Variants in GLMN observed in about 807,000 individuals in gnomAD.
GLMN encodes the protein glomulin.
Under a neutral mutation model 87.8 loss-of-function variants are expected in GLMN, and 75 were observed. That is an observed-to-expected ratio of 0.85 (90% CI 0.71 to 1.04). The LOEUF is 1.04. GLMN is among the 50% of genes least tolerant of loss of function. GLMN has a pLI of 0.00. For missense variants in GLMN, 588 were observed against 658.8 expected, an observed-to-expected ratio of 0.89 and a Z score of 1.18; for synonymous variants, 206 against 221.6, an observed-to-expected ratio of 0.93 and a Z score of 0.63.
the GLMN span, chr1:92,307,264 G>A: frequency 2.2e-5 from 36 of 1,603,416 alleles, no homozygotes; most frequent in Non-Finnish European, 1.5e-5. Context: ...GTATGGGTTC[G>A]AGAAGAAGAG....
At chr1:92,273,441 G>GTTTTT (rs563200839) in intron 7 of GLMN, among the ~76,000 whole-genome samples, 4 of 109,452 alleles carry the variant, frequency 3.7e-5, no homozygotes, top group East Asian at 2.5e-4. Flanking sequence ...AGGTAGCCCT[G>GTTTTT]TTTTTTTTTT....
chr1:92,279,477 A>AG (rs1647706709), intron 7 of GLMN, among the ~76,000 whole-genome samples: 3 of 144,122 alleles, frequency 2.1e-5, no homozygotes, highest in South Asian at 4.4e-4. Flanking sequence ...AAAAAAAAAA[A>AG]GGAGTCACTT....
At chr1:92,278,650 G>C (rs577765127) in intron 7 of GLMN, among the ~76,000 whole-genome samples, 1 of 152,084 alleles carries the variant, frequency 6.6e-6, no homozygotes, top group East Asian at 1.9e-4. Context: ...TGTTCTCCTT[G>C]CTGCTTCTAC....
intron 16 of GLMN, among the ~76,000 whole-genome samples, chr1:92,261,303 A>C (rs1342740674): frequency 1.3e-5 from 2 of 152,206 alleles, no homozygotes; most frequent in African/African-American, 2.4e-5. Flanking sequence ...TATCTATGAA[A>C]AGTGAAAAAT....
intron 3 of GLMN, among the ~76,000 whole-genome samples, chr1:92,295,860 A>G (rs1649986072): frequency 6.6e-6 from 1 of 152,276 alleles, no homozygotes; most frequent in Admixed American, 6.5e-5. Flanking sequence ...ACATGTAAAC[A>G]TGCAATAAAT....
chr1:92,318,153 C>T, the GLMN span, among the ~76,000 whole-genome samples: 1 of 152,184 alleles, frequency 6.6e-6, no homozygotes, highest in African/African-American at 2.4e-5. Context: ...TAGATTCTTT[C>T]TCCCTTAACC....
At chr1:92,309,591 A>G in the GLMN span, among the ~76,000 whole-genome samples, 1 of 101,406 alleles carries the variant, frequency 9.9e-6, no homozygotes, top group East Asian at 2.1e-4. Flanking sequence ...ACATACACAT[A>G]CACATACACA....
At chr1:92,280,031 G>C (rs745932140) in intron 7 of GLMN, among the ~76,000 whole-genome samples, 17 of 152,342 alleles carry the variant, frequency 1.1e-4, no homozygotes, top group Admixed American at 7.2e-4. Flanking sequence ...CTCTGGGGAC[G>C]GCACAGTAGA....
At chr1:92,262,970 A>G in intron 15 of GLMN, 44 bp from the exon 16 acceptor site, 2 of 790,002 alleles carry the variant, frequency 2.5e-6, no homozygotes, top group South Asian at 2.8e-5. Context: ...GGTTTTATAT[A>G]GTCAACAGCA....
At chr1:92,324,129 T>G in the GLMN span, 5 of 1,614,024 alleles carry the variant, frequency 3.1e-6, no homozygotes, top group Non-Finnish European at 4.2e-6. Context: ...CCTCTCTGGT[T>G]AAAGAAGAAC....
At chr1:92,255,745 T>C (rs1654141466) in intron 16 of GLMN, among the ~76,000 whole-genome samples, 1 of 152,144 alleles carries the variant, frequency 6.6e-6, no homozygotes, top group South Asian at 2.1e-4. Context: ...CCAGAATCTC[T>C]TGGACACAGC....
chr1:92,293,978 A>G (rs1649735399), intron 3 of GLMN, among the ~76,000 whole-genome samples: 1 of 151,714 alleles, frequency 6.6e-6, no homozygotes, highest in Non-Finnish European at 1.5e-5. Flanking sequence ...GGAGGCAGGG[A>G]AGATGGCTAA....
intron 6 of GLMN, among the ~76,000 whole-genome samples, chr1:92,287,844 G>A (rs146961776): frequency 4.9e-3 from 749 of 152,138 alleles, no homozygotes; most frequent in African/African-American, 0.017. Context: ...ACTGGTCCAT[G>A]TAATTAATCT....
intron 7 of GLMN, among the ~76,000 whole-genome samples, chr1:92,273,441 G>GTTTT (rs563200839): frequency 6.4e-5 from 7 of 109,422 alleles, no homozygotes; most frequent in Non-Finnish European, 7.4e-5. Flanking sequence ...AGGTAGCCCT[G>GTTTT]TTTTTTTTTT....
intron 16 of GLMN, among the ~76,000 whole-genome samples, chr1:92,258,678 T>G (rs986401444): frequency 6.6e-6 from 1 of 151,428 alleles, no homozygotes; most frequent in African/African-American, 2.4e-5. Flanking sequence ...CCACATGTTC[T>G]CACTCATAAG....
At chr1:92,331,865 T>G in the GLMN span, among the ~76,000 whole-genome samples, 2 of 152,186 alleles carry the variant, frequency 1.3e-5, no homozygotes, top group African/African-American at 4.8e-5. Context: ...CAGAAAATTA[T>G]TTTACTTTCA....
the GLMN span, among the ~76,000 whole-genome samples, chr1:92,328,998 G>A: frequency 3.8e-4 from 58 of 152,322 alleles, no homozygotes; most frequent in Non-Finnish European, 6.0e-4. Context: ...GATGTGATCC[G>A]TCTTCAGCTG....
chr1:92,253,271 A>G lies in GLMN; in HGVS notation c.1474-5282T>C, dbSNP rs368965512. 3.1e-4 allele frequency among the ~76,000 whole-genome samples: 47 copies of G among 152,302 alleles called. No homozygotes were observed. In the East Asian group the frequency reaches 8.7e-3, roughly 28 times the overall value. On this transcript the variant is annotated intron_variant, in intron 16 of 18. Transcript: ENST00000370360. ...TGAAAGAAAGGCAGCAGCTCCAGTC[A>G]GGGGCTTATAGATAAAACTTCCATC...
the GLMN span, among the ~76,000 whole-genome samples, chr1:92,314,348 T>TG: frequency 6.8e-5 from 10 of 147,334 alleles, no homozygotes; most frequent in African/African-American, 2.4e-4. Flanking sequence ...TTTTGGTTTT[T>TG]GGGTTTTTTT....
Sources: gnomAD v4.1 joint callset for allele counts (sites outside exome capture counted in the v4.1 genomes callset) on GRCh38, gnomAD v4.1.1 for gene constraint, MANE v1.5 for transcripts, NCBI Gene and HGNC (gene_info 2026-07-23, HGNC 2026-07-21) for gene names.